The following EVC variants were observed in gnomAD, a reference collection of about 807,000 sequenced individuals.
EVC encodes the protein evC complex member EVC.
Under a neutral mutation model 118.9 loss-of-function variants are expected in EVC, and 116 were observed. That is an observed-to-expected ratio of 0.98 (90% CI 0.84 to 1.14). EVC has a LOEUF of 1.14. Among genes scored for constraint, EVC ranks in the 50% most tolerant of loss-of-function variants. EVC has a pLI of 0.00. For missense variants in EVC, 1,401 were observed against 1,246.4 expected (o/e 1.12, Z -1.87); for synonymous variants, 619 against 534.7 (o/e 1.16, Z -2.18).
chr4:5,825,821 A>C, the EVC span: 1 of 672,702 alleles, frequency 1.5e-6, no homozygotes, highest in Admixed American at 3.4e-5. This position sits in a 1 kb window ranked among gnomAD's most constrained non-coding sequence, Gnocchi z 4.4. Flanking sequence ...CACTTCACAC[A>C]CATGCAGCCG....
At chr4:5,739,347 A>C (rs1728174091) in intron 5 of EVC, among the ~76,000 whole-genome samples, 1 of 152,186 alleles carries the variant, frequency 6.6e-6, no homozygotes, top group South Asian at 2.1e-4. Flanking sequence ...TCATTGGCAA[A>C]TATAATGAAG....
intron 16 of EVC, 35 bp from the exon 17 acceptor site, chr4:5,804,695 C>G (rs1262051337): frequency 6.3e-7 from 1 of 1,595,852 alleles, no homozygotes; most frequent in South Asian, 1.1e-5. Flanking sequence ...ATCCTCCAAA[C>G]AGACCCCTTG....
Position 5,783,582 on chromosome 4 carries a change from C to T in EVC, c.1594C>T (p.Gln532Ter). The T allele has an allele frequency of 6.2e-7, 1 of 1,614,126 alleles. No homozygotes were observed. The highest frequency in any genetic ancestry group is 1.7e-5 in the Admixed American group (1 of 60,004). Reference protein sequence around the residue: ...ELYFSTVDTFQKFVDALFLQT... With the variant: ...ELYFSTVDTF ...GTACTTCAGCACCGTGGACACTTTC[C>T]AGAAGTTCGTGGATGCCCTGTTCCT... The change falls in exon 12 of 21, where the codon CAG (glutamine) becomes TAG (stop). Residue 532 changes from glutamine (Q) to a stop codon, truncating the protein, a stop_gained. Transcript: ENST00000264956. LOFTEE classifies it high-confidence loss of function.
At position 5,724,494 on chromosome 4, in the gene EVC, C is replaced by T. The variant is rs75822888; in HGVS notation, c.301-4813C>T. 9.7e-3 allele frequency among the ~76,000 whole-genome samples: 1,475 copies of T among 152,320 alleles called. 25 individuals carry two copies. Among genetic ancestry groups the T allele is most frequent in the African/African-American group, 0.034 (1,408 of 41,570 alleles). On this transcript the variant is annotated intron_variant, in intron 2 of 20. Transcript: ENST00000264956. ...ATTCACATCATGTTGACAGAGCCAG[C>T]ATGGCATCAGCTAAAGAGGGCGGAC...
At position 5,808,274 on chromosome 4, in the gene EVC, C is replaced by G; in HGVS notation, c.2635C>G (p.Gln879Glu). Reference sequence around the variant, plus strand: ...GCAGATGCGTCTGCACGCCCAGCAGCAGCAGGCAGGAGTCATGGACCTTCT... The same window carrying G: ...GCAGATGCGTCTGCACGCCCAGCAGGAGCAGGCAGGAGTCATGGACCTTCT... The part of the protein sequence containing the change: ...HQQMRLHAQQ[Q>E]QAGVMDLLEA... Residue 879 changes from glutamine (Q) to glutamate (E), a missense_variant, in exon 18 of 21, where the codon CAG becomes GAG. By Grantham distance (29) the Gln-to-Glu change is conservative. Coordinates refer to ENST00000264956, the MANE Select transcript of EVC (RefSeq NM_153717.3). The G allele has an allele frequency of 6.2e-7, 1 of 1,613,978 alleles. No individual in the cohort carries two copies.
chr4:5,828,531 C>T, the EVC span: 10 of 1,614,116 alleles, frequency 6.2e-6, no homozygotes, highest in Admixed American at 3.3e-5. Flanking sequence ...GCTCCGGGAA[C>T]GCCTTCCGCG....
At chr4:5,810,508 G>T in intron 20 of EVC, 58 bp downstream of exon 20, 2 of 1,325,014 alleles carry the variant, frequency 1.5e-6, no homozygotes, top group Non-Finnish European at 2.1e-6. Flanking sequence ...GCACTCAGCT[G>T]CTGTGTGCCA....
chr4:5,752,490 C>CG (rs928374645), intron 8 of EVC, among the ~76,000 whole-genome samples: 1 of 152,096 alleles, frequency 6.6e-6, no homozygotes, highest in African/African-American at 2.4e-5. Context: ...CCAGATTGGC[C>CG]GGGGGAGATG....
rs1377348889 is a variant in EVC at position 5,711,455 on chromosome 4, C to T, written c.75C>T (p.Pro25=). ...LLGRDALRPA[P]ALLAPAVLLG... is the part of the protein sequence containing the mutation. Reference sequence around the variant, plus strand: ...GGCGGGACGCGCTGCGGCCGGCGCCCGCCCTGCTGGCCCCCGCCGTGCTGC... The same window carrying T: ...GGCGGGACGCGCTGCGGCCGGCGCCTGCCCTGCTGGCCCCCGCCGTGCTGC... Residue 25 remains proline, a synonymous_variant, in exon 1 of 21, where the codon CCC becomes CCT. Coordinates refer to ENST00000264956, the MANE Select transcript of EVC (RefSeq NM_153717.3). 1 of 1,037,518 alleles carries T rather than the reference C, an allele frequency of 9.6e-7. No individual in the cohort carries two copies. Among genetic ancestry groups the T allele is most frequent in the Non-Finnish European group, 1.2e-6 (1 of 867,020 alleles). The allele number at this position is 1,037,518 out of a possible 1,614,324, so 64.3% of individuals were successfully genotyped here.
Position 5,810,935 on chromosome 4 carries a change from T to G in EVC, c.2895-18T>G. 1 of 1,607,686 alleles carries G rather than the reference T, an allele frequency of 6.2e-7. No individual in the cohort carries two copies. Among genetic ancestry groups the G allele is most frequent in the Non-Finnish European group, 8.5e-7 (1 of 1,176,810 alleles). ...GGAGTCAGCGTTCTAACTGGCTGCCTTTCTTCTCTGTTTTAAGCAGCAAAA... is the reference window on the plus strand; with the variant it reads ...GGAGTCAGCGTTCTAACTGGCTGCCGTTCTTCTCTGTTTTAAGCAGCAAAA... On this transcript the variant is annotated intron_variant, in intron 20 of 20. Coordinates refer to ENST00000264956, the MANE Select transcript of EVC (RefSeq NM_153717.3).
chr4:5,782,951 T>C lies in EVC; in HGVS notation c.1564-601T>C, dbSNP rs918765333. ...GAGATGCCAGAGTTAGAGAGCTCAC[T>C]GTGGGAGGAGAGCAGGTGTGAAGCT... On this transcript the variant is annotated intron_variant, in intron 11 of 20. Transcript: ENST00000264956. Among the ~76,000 whole-genome samples the C allele has an allele frequency of 2.6e-5, 4 of 152,224 alleles. No individual in the cohort carries two copies. In the East Asian group the frequency reaches 5.8e-4, roughly 22 times the overall value.
intron 12 of EVC, among the ~76,000 whole-genome samples, chr4:5,785,053 A>G: frequency 6.6e-6 from 1 of 152,088 alleles, no homozygotes; most frequent in African/African-American, 2.4e-5. Flanking sequence ...CTCAATATCC[A>G]TATCCCTTGC....
chr4:5,759,065 T>C (rs1254906279), intron 11 of EVC, among the ~76,000 whole-genome samples: 1 of 84,332 alleles, frequency 1.2e-5, no homozygotes, highest in Admixed American at 1.2e-4. Context: ...AAGCATGTTG[T>C]GGAGGGCGGT....
intron 17 of EVC, 61 bp from the exon 18 acceptor site, chr4:5,808,140 T>TCCCC: frequency 3.3e-5 from 8 of 239,926 alleles, no homozygotes; most frequent in East Asian, 1.1e-4. Context: ...TCTCCCTCCC[T>TCCCC]CCCTCCCTCC....
At chr4:5,796,884 G>T in intron 13 of EVC, 138 bp from the exon 14 acceptor site, 1 of 740,876 alleles carries the variant, frequency 1.3e-6, no homozygotes, top group Non-Finnish European at 2.5e-6. Context: ...TGCCTAAGAG[G>T]ATGGCAGCAG....
Position 5,801,957 on chromosome 4 carries a change from T to C in EVC, c.2312T>C (p.Leu771Pro), listed in dbSNP as rs373312910. ...AKDRDDFKRT[L>P]MEAAVESVYV... The stretch of plus-strand genomic sequence containing the variant: ...CTTCCTTTCTTCCCTCAGAGGACAC[T>C]GATGGAGGCGGCAGTGGAGAGCGTC... Residue 771 changes from leucine (L) to proline (P), a missense_variant, in exon 16 of 21, where the codon CTG becomes CCG. By Grantham distance (98) the Leu-to-Pro change is moderately conservative (BLOSUM62 -3). Transcript: ENST00000264956. 6.2e-7 allele frequency: 1 copy of C among 1,613,488 alleles called. No individual in the cohort carries two copies.
intron 14 of EVC, among the ~76,000 whole-genome samples, chr4:5,797,577 C>T (rs1231491121): frequency 6.6e-6 from 1 of 152,174 alleles, no homozygotes; most frequent in East Asian, 1.9e-4. Flanking sequence ...GGACACCAGG[C>T]ATATTGGATC....
At chr4:5,716,867 T>C (rs1261859163) in intron 1 of EVC, among the ~76,000 whole-genome samples, 1 of 152,148 alleles carries the variant, frequency 6.6e-6, no homozygotes, top group Non-Finnish European at 1.5e-5. Context: ...TCTATTCTGA[T>C]CCTTGATACC....
Position 5,789,324 on chromosome 4 carries a change from T to A in EVC, c.1777-4284T>A, listed in dbSNP as rs1560411846. Among the ~76,000 whole-genome samples the A allele has an allele frequency of 2.6e-5, 4 of 152,124 alleles. No individual in the cohort carries two copies. Among genetic ancestry groups the A allele is most frequent in the Admixed American group, 6.5e-5 (1 of 15,278 alleles). ...TGCATGCTGCCCCCAGCCCCAGTGG[T>A]TCCTTGCACTCCTCTGGCTTTCTGG... is the stretch of plus-strand genomic sequence containing the variant. On this transcript the variant is annotated intron_variant, in intron 12 of 20. Transcript: ENST00000264956. This position sits in a 1 kb window ranked among gnomAD's most constrained non-coding sequence, Gnocchi z 4.3.
Sources: allele counts gnomAD v4.1 joint callset (sites outside exome capture counted in the v4.1 genomes callset), GRCh38; gene constraint gnomAD v4.1.1; non-coding constraint Gnocchi (gnomAD v3.1); transcripts MANE v1.5; gene names NCBI Gene and HGNC (gene_info 2026-07-23, HGNC 2026-07-21).